Variants in ABCB11 observed in about 807,000 individuals in gnomAD.
ABCB11 encodes bile salt export pump.
ABCB11 carries 95 observed loss-of-function variants against 148.0 expected under a neutral mutation model. The observed-to-expected ratio is 0.64, with a 90% CI of 0.54 to 0.76. The LOEUF (loss-of-function observed/expected upper bound fraction) is 0.76, where lower values mean the gene tolerates loss of function less well. Ranked by LOEUF, ABCB11 falls within the 30% of genes least tolerant of loss-of-function variation. The pLI is 0.00. For synonymous variants in ABCB11, 591 were observed against 555.4 expected, an observed-to-expected ratio of 1.06 and a Z score of -0.90; for missense variants, 1,523 against 1,617.8, an observed-to-expected ratio of 0.94 and a Z score of 1.01.
At chr2:168,942,874 T>A (rs911426858) in intron 21 of ABCB11, among the ~76,000 whole-genome samples, 1 of 151,888 alleles carries the variant, frequency 6.6e-6, no homozygotes, top group Non-Finnish European at 1.5e-5. Flanking sequence ...GAAGTTAATA[T>A]TCACAATGGG....
At chr2:169,015,200 A>G (rs570303284) in intron 3 of ABCB11, among the ~76,000 whole-genome samples, 1 of 151,896 alleles carries the variant, frequency 6.6e-6, no homozygotes. Flanking sequence ...CATCATCCTC[A>G]ATTATTTTCT....
chr2:168,963,174 T>A (rs1032222494), intron 18 of ABCB11, among the ~76,000 whole-genome samples: 3 of 151,818 alleles, frequency 2.0e-5, no homozygotes, highest in Non-Finnish European at 4.4e-5. Context: ...TCTGACTTAT[T>A]TGCTTTGATA....
At chr2:168,919,359 C>T (rs1691010979), downstream of ABCB11, among the ~76,000 whole-genome samples, 1 of 152,250 alleles carries the variant, frequency 6.6e-6, no homozygotes, top group East Asian at 1.9e-4. Context: ...TGCTAACTTA[C>T]CCTCAAACTC....
chr2:168,938,863 C>T (rs1691945682), intron 21 of ABCB11, among the ~76,000 whole-genome samples: 1 of 151,896 alleles, frequency 6.6e-6, no homozygotes, highest in Admixed American at 6.6e-5. Context: ...CAACCTAAGA[C>T]ACAAACAAAA....
At position 168,983,362 on chromosome 2, in the gene ABCB11, A is replaced by G. The variant is rs553066068; in HGVS notation, c.1083+2748T>C. On this transcript the variant is annotated intron_variant, in intron 10 of 27. Coordinates refer to ENST00000650372, the MANE Select transcript of ABCB11 (RefSeq NM_003742.4). ...AGGAGGAATTGGATCAATAAAGACA[A>G]GGGACTATAGTTAAAATCTGGACCT... 5.4e-4 allele frequency among the ~76,000 whole-genome samples: 83 copies of G among 152,316 alleles called. 1 individual carries two copies. Among genetic ancestry groups the G allele is most frequent in the Middle Eastern group, 6.8e-3 (2 of 294 alleles).
intron 5 of ABCB11, among the ~76,000 whole-genome samples, chr2:169,004,711 A>C (rs1694970629): frequency 6.6e-6 from 1 of 152,050 alleles, no homozygotes; most frequent in Non-Finnish European, 1.5e-5. Flanking sequence ...ATTGCTGGTG[A>C]GCTGGTATGA....
At chr2:168,941,832 T>G (rs1188134953) in intron 21 of ABCB11, among the ~76,000 whole-genome samples, 1 of 152,024 alleles carries the variant, frequency 6.6e-6, no homozygotes, top group Non-Finnish European at 1.5e-5. Flanking sequence ...TATTAATAAA[T>G]TAAGATATGT....
At position 169,022,555 on chromosome 2, in the gene ABCB11, C is replaced by G. The variant is rs1695568960; in HGVS notation, c.-27-4403G>C. On this transcript the variant is annotated intron_variant, in intron 1 of 27. Coordinates refer to ENST00000650372, the MANE Select transcript of ABCB11 (RefSeq NM_003742.4). ...GCTATTAAAATATTGATTCAATATT[C>G]AAAAGTCTCCCACCTCAAAAAACAA... Among the ~76,000 whole-genome samples, 4 of 151,778 alleles carry G rather than the reference C, an allele frequency of 2.6e-5. No homozygotes were observed. The South Asian group carries it at 6.2e-4, about 24-fold the overall frequency.
At chr2:168,917,993 G>A (rs1299984198), downstream of ABCB11, among the ~76,000 whole-genome samples, 5 of 152,028 alleles carry the variant, frequency 3.3e-5, no homozygotes, top group Non-Finnish European at 7.4e-5. Flanking sequence ...TGGATATGTT[G>A]GGTTGAATAA....
intron 4 of ABCB11, 68 bp downstream of exon 4, chr2:169,014,235 A>G: frequency 2.9e-4 from 319 of 1,087,506 alleles, no homozygotes; most frequent in Non-Finnish European, 4.1e-4. Context: ...AAGATTTAAC[A>G]CTCCCCTCAT....
intron 5 of ABCB11, among the ~76,000 whole-genome samples, chr2:169,010,929 A>G (rs1032044756): frequency 1.3e-5 from 2 of 152,190 alleles, no homozygotes; most frequent in African/African-American, 4.8e-5. Context: ...GTCCATTCAC[A>G]TTTGGTATTA....
Position 168,953,874 on chromosome 2 carries a change from C to T in ABCB11, c.2343+4090G>A, listed in dbSNP as rs1182290416. On this transcript the variant is annotated intron_variant, in intron 19 of 27. Transcript: ENST00000650372. Reference sequence around the variant, plus strand: ...AGCTCAAAAGAATGTAACCATTTGTCTCTTATCTACCTATGACCTGGAAGA... The same window carrying T: ...AGCTCAAAAGAATGTAACCATTTGTTTCTTATCTACCTATGACCTGGAAGA... Among the ~76,000 whole-genome samples, 3 of 151,596 alleles carry T rather than the reference C, an allele frequency of 2.0e-5. No individual in the cohort carries two copies. In the East Asian group the frequency reaches 5.9e-4, roughly 30 times the overall value.
At chr2:168,974,818 G>A (rs1024928458) in intron 12 of ABCB11, among the ~76,000 whole-genome samples, 1 of 151,448 alleles carries the variant, frequency 6.6e-6, no homozygotes, top group African/African-American at 2.4e-5. Context: ...GTATTACTTT[G>A]TAATTCATAG....
chr2:169,006,042 C>A (rs1435803516), intron 5 of ABCB11, among the ~76,000 whole-genome samples: 2 of 152,136 alleles, frequency 1.3e-5, no homozygotes, highest in Admixed American at 6.5e-5. Flanking sequence ...CACTGCCAAA[C>A]TATCAGGCCA....
chr2:169,018,893 C>G (rs954170347), intron 1 of ABCB11, among the ~76,000 whole-genome samples: 1 of 152,052 alleles, frequency 6.6e-6, no homozygotes, highest in Non-Finnish European at 1.5e-5. Flanking sequence ...TCTTCAGGAA[C>G]CAGAAATGGC....
At chr2:168,938,004 C>T (rs908645398) in intron 21 of ABCB11, among the ~76,000 whole-genome samples, 7 of 152,226 alleles carry the variant, frequency 4.6e-5, no homozygotes, top group African/African-American at 1.7e-4. Context: ...TACATCACTT[C>T]TTTTTAAAAT....
At chr2:168,975,801 C>A (rs886682582) in intron 12 of ABCB11, among the ~76,000 whole-genome samples, 1 of 147,524 alleles carries the variant, frequency 6.8e-6, no homozygotes, top group Non-Finnish European at 1.5e-5. Flanking sequence ...ACATATATAT[C>A]ATATATATCA....
intron 18 of ABCB11, among the ~76,000 whole-genome samples, chr2:168,959,748 C>G (rs1457953866): frequency 6.6e-6 from 1 of 151,510 alleles, no homozygotes; most frequent in Non-Finnish European, 1.5e-5. Flanking sequence ...CAGGTTTCCT[C>G]TCGTTTAAAA....
intron 7 of ABCB11, among the ~76,000 whole-genome samples, chr2:168,994,233 C>T (rs1192043465): frequency 6.6e-6 from 1 of 152,048 alleles, no homozygotes; most frequent in African/African-American, 2.4e-5. Flanking sequence ...TCCTTTCAGC[C>T]TCAAGGTTCT....
Sources: allele counts gnomAD v4.1 joint callset (sites outside exome capture counted in the v4.1 genomes callset), GRCh38; gene constraint gnomAD v4.1.1; transcripts MANE v1.5; gene names NCBI Gene and HGNC (gene_info 2026-07-23, HGNC 2026-07-21).